Variants in TMEM39B observed in about 807,000 individuals in gnomAD.
The protein encoded by TMEM39B is transmembrane protein 39B.
Under a neutral mutation model 52.2 loss-of-function variants are expected in TMEM39B, and 23 were observed. That is an observed-to-expected ratio of 0.44 (90% CI 0.32 to 0.62). The LOEUF is 0.62. Ranked by LOEUF, TMEM39B falls within the 20% of genes least tolerant of loss-of-function variation. The pLI is 0.06. For synonymous variants in TMEM39B, 285 were observed against 264.0 expected (o/e 1.08, Z -0.77); for missense variants, 547 against 642.0 (o/e 0.85, Z 1.60).
intron 7 of TMEM39B, among the ~76,000 whole-genome samples, chr1:32,096,995 A>G (rs944994182): frequency 6.6e-6 from 1 of 151,526 alleles, no homozygotes; most frequent in Admixed American, 6.6e-5. Context: ...TGTAGAGACA[A>G]GGTTTTGCCA....
intron 2 of TMEM39B, 64 bp downstream of exon 2, chr1:32,075,141 C>T: frequency 1.3e-6 from 2 of 1,489,144 alleles, no homozygotes; most frequent in Non-Finnish European, 1.8e-6. Context: ...ACAGGGCTCT[C>T]TCTGACTGGA....
At chr1:32,073,175 G>C (rs1639705948) in intron 1 of TMEM39B, 124 bp downstream of exon 1, 4 of 1,262,140 alleles carry the variant, frequency 3.2e-6, no homozygotes, top group Non-Finnish European at 4.1e-6. Flanking sequence ...GGATGCGAGC[G>C]CAGACGGGAT....
At chr1:32,082,379 C>T (rs1413932578) in intron 5 of TMEM39B, among the ~76,000 whole-genome samples, 1 of 152,110 alleles carries the variant, frequency 6.6e-6, no homozygotes, top group Non-Finnish European at 1.5e-5. Flanking sequence ...CACTCCAGGG[C>T]CCAGTAGTAT....
At chr1:32,094,113 T>G (rs1446832754) in intron 6 of TMEM39B, among the ~76,000 whole-genome samples, 51 of 97,992 alleles carry the variant, frequency 5.2e-4, no homozygotes, top group Middle Eastern at 0.02. Context: ...CCACTGCGCC[T>G]GGCCTTTTTT....
At chr1:32,088,638 G>C (rs1309433139) in intron 5 of TMEM39B, among the ~76,000 whole-genome samples, 7 of 151,344 alleles carry the variant, frequency 4.6e-5, no homozygotes, top group African/African-American at 1.7e-4. Flanking sequence ...GGAGGAGGTG[G>C]GAGGGAATCT....
intron 5 of TMEM39B, among the ~76,000 whole-genome samples, chr1:32,090,312 A>G (rs1640550573): frequency 6.6e-6 from 1 of 152,116 alleles, no homozygotes; most frequent in Admixed American, 6.5e-5. Flanking sequence ...CTCAGGGGAA[A>G]GGATTTGTTC....
chr1:32,073,688 C>T (rs1273682134), intron 1 of TMEM39B: 16 of 985,436 alleles, frequency 1.6e-5, no homozygotes, highest in Non-Finnish European at 1.8e-5. Context: ...AACAGAGCTT[C>T]TGGTCTGGGG....
At chr1:32,085,750 CAAAA>C (rs113814805) in intron 5 of TMEM39B, among the ~76,000 whole-genome samples, 1 of 127,814 alleles carries the variant, frequency 7.8e-6, no homozygotes, top group East Asian at 2.2e-4. Flanking sequence ...GACTCTGTCT[CAAAA>C]AAAAAAAAAA....
intron 6 of TMEM39B, among the ~76,000 whole-genome samples, chr1:32,092,332 T>A (rs1035435219): frequency 1.3e-5 from 2 of 152,030 alleles, no homozygotes; most frequent in Non-Finnish European, 1.5e-5. Flanking sequence ...AATTTTAAAA[T>A]TTTTTATAGA....
rs141156630 is a variant in TMEM39B, at chr1:32,100,639, T to C, written c.1236+77T>C. 1.5e-5 allele frequency: 24 copies of C among 1,586,750 alleles called. No homozygotes were observed. In the East Asian group the frequency reaches 5.1e-4, roughly 34 times the overall value. On this transcript the variant is annotated intron_variant, in intron 8 of 8. Transcript: ENST00000336294. Reference sequence around the variant, plus strand: ...TCTGCAGGGCAGGAATGTGATGTCATTGCAAGAGAAAGCTATTTTCAGTAT... The same window carrying C: ...TCTGCAGGGCAGGAATGTGATGTCACTGCAAGAGAAAGCTATTTTCAGTAT...
At chr1:32,093,505 G>C (rs1640690442) in intron 6 of TMEM39B, among the ~76,000 whole-genome samples, 1 of 147,580 alleles carries the variant, frequency 6.8e-6, no homozygotes, top group African/African-American at 2.5e-5. Context: ...TTTGCCTCCT[G>C]GGTTCAAGCA....
chr1:32,073,208 C>T (rs551277686), intron 1 of TMEM39B, 157 bp downstream of exon 1: 118 of 527,822 alleles, frequency 2.2e-4, no homozygotes, highest in Non-Finnish European at 1.5e-4. Flanking sequence ...TGTCGTTTTG[C>T]GGGGTGGGGC....
chr1:32,076,725 G>T (rs759466065), intron 3 of TMEM39B, 38 bp from the exon 4 acceptor site: 1 of 1,602,974 alleles, frequency 6.2e-7, no homozygotes, highest in Non-Finnish European at 8.5e-7. Context: ...ATATGGGCAA[G>T]GGGCCCACAT....
intron 7 of TMEM39B, among the ~76,000 whole-genome samples, chr1:32,097,155 C>G (rs1349317177): frequency 6.6e-6 from 1 of 152,044 alleles, no homozygotes; most frequent in Non-Finnish European, 1.5e-5. Context: ...GGTATATATA[C>G]TCATGTAACC....
At chr1:32,082,479 G>A (rs1023888774) in intron 5 of TMEM39B, among the ~76,000 whole-genome samples, 1 of 151,700 alleles carries the variant, frequency 6.6e-6, no homozygotes, top group African/African-American at 2.4e-5. Flanking sequence ...TTTTGAGATG[G>A]AGTCTCTCTC....
chr1:32,086,472 A>G (rs1640355718), intron 5 of TMEM39B, among the ~76,000 whole-genome samples: 1 of 152,186 alleles, frequency 6.6e-6, no homozygotes, highest in East Asian at 1.9e-4. Flanking sequence ...GTACACACAC[A>G]AAAAAGAAAG....
chr1:32,092,075 T>C (rs1569924456), intron 6 of TMEM39B, 64 bp downstream of exon 6: 2 of 1,474,234 alleles, frequency 1.4e-6, no homozygotes, highest in African/African-American at 1.4e-5. Flanking sequence ...GCCTGCCCGA[T>C]GTGAGTTCTC....
chr1:32,097,159 T>G (rs1316754209), intron 7 of TMEM39B, among the ~76,000 whole-genome samples: 2 of 152,122 alleles, frequency 1.3e-5, no homozygotes, highest in South Asian at 2.1e-4. Context: ...TATATACTCA[T>G]GTAACCCACC....
In TMEM39B at chr1:32,081,692, G is replaced by A. The variant is rs554570126; in HGVS notation, c.590+4374G>A. Among the ~76,000 whole-genome samples, 4 of 150,836 alleles carry A rather than the reference G, an allele frequency of 2.7e-5. No homozygotes were observed. The South Asian group carries it at 6.3e-4, about 24-fold the overall frequency. The stretch of plus-strand genomic sequence containing the variant: ...GAAACTGGGAGGTGGAGGTTGCAGC[G>A]AGCTGAGTTTGCACCACTGCACTCC... On this transcript the variant is annotated intron_variant, in intron 5 of 8. Coordinates refer to ENST00000336294, the MANE Select transcript of TMEM39B (RefSeq NM_018056.4).
Sources: allele counts gnomAD v4.1 joint callset (sites outside exome capture counted in the v4.1 genomes callset), GRCh38; gene constraint gnomAD v4.1.1; transcripts MANE v1.5; gene names NCBI Gene and HGNC (gene_info 2026-07-23, HGNC 2026-07-21).